The following MAVS variants were observed in gnomAD, a reference collection of about 807,000 sequenced individuals.
MAVS encodes mitochondrial antiviral signaling protein.
Under a neutral mutation model 30.2 loss-of-function variants are expected in MAVS, and 20 were observed. The ratio of observed to expected loss-of-function variants is 0.66; its 90% CI spans 0.47 to 0.96. The LOEUF (loss-of-function observed/expected upper bound fraction) is 0.96, where lower values mean the gene tolerates loss of function less well. Among genes scored for constraint, MAVS ranks in the 40% least tolerant of loss-of-function variants. The pLI is 0.00. For synonymous variants in MAVS, 278 were observed against 293.9 expected (o/e 0.95, Z 0.55); for missense variants, 624 against 701.1 (o/e 0.89, Z 1.24).
At chr20:3,849,485 G>A (rs568565543) in intron 1 of MAVS, among the ~76,000 whole-genome samples, 41 of 152,294 alleles carry the variant, frequency 2.7e-4, no homozygotes, top group Admixed American at 1.4e-3. Flanking sequence ...GATTATAGGC[G>A]TGAGTCACGC....
rs918431543 is a variant in MAVS at position 3,854,561 on chromosome 20, C to T, written c.-64C>T. The T allele has an allele frequency of 1.8e-6, 2 of 1,135,014 alleles. No homozygotes were observed. The highest frequency in any genetic ancestry group is 1.5e-5 in the African/African-American group (1 of 65,190). The allele number at this position is 1,135,014 out of a possible 1,614,324, so 70.3% of individuals were successfully genotyped here. On this transcript the variant is annotated 5_prime_UTR_variant, in exon 2 of 7. Coordinates refer to ENST00000428216, the MANE Select transcript of MAVS (RefSeq NM_020746.5). ...TGTGTGATCTGTTTTCTTCCAGTCT[C>T]GTTTCCTCTCAGTCCATCCACCCTT...
chr20:3,874,699 G>A lies in MAVS; in HGVS notation c.*8552G>A, dbSNP rs2089978739. ...AGCCACTAAGTTCAGACTGTTCTGG[G>A]TCCGATTGCTGCTGAGGCTGTGGTT... On this transcript the variant is annotated 3_prime_UTR_variant, in exon 7 of 7. Transcript: ENST00000428216. 6.5e-6 allele frequency: 1 copy of A among 154,050 alleles called. No individual in the cohort carries two copies. Among genetic ancestry groups the A allele is most frequent in the African/African-American group, 2.4e-5 (1 of 41,496 alleles). The allele number at this position is 154,050 out of a possible 1,614,324, so 9.5% of individuals were successfully genotyped here. A position where few individuals can be genotyped will look rare whatever the true frequency, so the allele number is the denominator to read the frequency against.
chr20:3,857,903 T>C, intron 3 of MAVS, 94 bp downstream of exon 3: 1 of 1,356,968 alleles, frequency 7.4e-7, no homozygotes, highest in Non-Finnish European at 1.0e-6. Flanking sequence ...CCTTTCTCTG[T>C]CATCCTCTTT....
chr20:3,849,895 A>G (rs547690815), intron 1 of MAVS, among the ~76,000 whole-genome samples: 7 of 152,210 alleles, frequency 4.6e-5, no homozygotes, highest in African/African-American at 1.4e-4. Context: ...GGCGGCAGAA[A>G]AGTAACGAGC....
intron 1 of MAVS, among the ~76,000 whole-genome samples, chr20:3,851,734 TC>T (rs2089761694): frequency 6.6e-6 from 1 of 151,906 alleles, no homozygotes; most frequent in Non-Finnish European, 1.5e-5. Flanking sequence ...GGCAGGCAGA[TC>T]ATCTGAGGTC....
At chr20:3,854,764 C>CGT (rs1568533276) in intron 2 of MAVS, 23 bp downstream of exon 2, 8 of 1,532,420 alleles carry the variant, frequency 5.2e-6, no homozygotes, top group African/African-American at 1.4e-5. Context: ...AGTGACAGCC[C>CGT]GACACTGGCC....
At chr20:3,854,410 G>A (rs573289486) in intron 1 of MAVS, 148 bp from the exon 2 acceptor site, 10 of 264,306 alleles carry the variant, frequency 3.8e-5, no homozygotes, top group Non-Finnish European at 5.7e-5. Context: ...GGGTGACAAA[G>A]TGAGACTCGC....
chr20:3,866,239 T>G lies in MAVS; in HGVS notation c.*92T>G, dbSNP rs2146778343. 7.9e-7 allele frequency: 1 copy of G among 1,266,776 alleles called. No homozygotes were observed. The highest frequency in any genetic ancestry group is 1.1e-6 in the Non-Finnish European group (1 of 939,244). 78.5% of individuals were successfully genotyped at this position (1,266,776 alleles called of 1,614,324 possible). On this transcript the variant is annotated 3_prime_UTR_variant, in exon 7 of 7. Coordinates refer to ENST00000428216, the MANE Select transcript of MAVS (RefSeq NM_020746.5). ...AGCCCCTTGTCCCTTTCTTGGGGAT[T>G]GTGGAGGCTGGGTCAGAGGGGAGTT...
At chr20:3,857,892 G>T (rs1211366287) in intron 3 of MAVS, 83 bp downstream of exon 3, 1 of 1,432,134 alleles carries the variant, frequency 7.0e-7, no homozygotes, top group East Asian at 2.3e-5. Context: ...TGTACTTCCT[G>T]CCTTTCTCTG....
At chr20:3,850,706 G>A (rs1463495642) in intron 1 of MAVS, among the ~76,000 whole-genome samples, 3 of 151,270 alleles carry the variant, frequency 2.0e-5, no homozygotes, top group African/African-American at 4.9e-5. Flanking sequence ...CTAACACGGT[G>A]AAACCCTATC....
At position 3,867,036 on chromosome 20, in the gene MAVS, CA is replaced by C. The variant is rs918730065; in HGVS notation, c.*890del. The C allele has an allele frequency of 1.1e-5, 5 of 456,632 alleles. No homozygotes were observed. The highest frequency in any genetic ancestry group is 6.0e-5 in the African/African-American group (3 of 50,092). 28.3% of individuals were successfully genotyped at this position (456,632 alleles called of 1,614,324 possible). A position where few individuals can be genotyped will look rare whatever the true frequency, so the allele number is the denominator to read the frequency against. On this transcript the variant is annotated 3_prime_UTR_variant, in exon 7 of 7. Coordinates refer to ENST00000428216, the MANE Select transcript of MAVS (RefSeq NM_020746.5). ...CTGGGTTCTTCTGAGATTGAACCTACAGGTGTTTGCCAAGTGCCTGGCCCAG... is the reference window on the plus strand; with the variant it reads ...CTGGGTTCTTCTGAGATTGAACCTACGGTGTTTGCCAAGTGCCTGGCCCAG...
Position 3,863,035 on chromosome 20 carries a change from G to A in MAVS, c.625+622G>A, listed in dbSNP as rs956475633. Among the ~76,000 whole-genome samples, 11 of 152,192 alleles carry A rather than the reference G, an allele frequency of 7.2e-5. No individual in the cohort carries two copies. In the East Asian group the frequency reaches 2.1e-3, roughly 29 times the overall value. On this transcript the variant is annotated intron_variant, in intron 5 of 6. Coordinates refer to ENST00000428216, the MANE Select transcript of MAVS (RefSeq NM_020746.5). ...ATAAGTAGGGCCATTTTTGCGCTCT[G>A]CCAAAGGGACTGTAGGGAACAGCCA...
At chr20:3,848,464 C>G (rs867981636) in intron 1 of MAVS, among the ~76,000 whole-genome samples, 6 of 152,300 alleles carry the variant, frequency 3.9e-5, no homozygotes, top group Middle Eastern at 3.4e-3. Flanking sequence ...TCAGAGGACC[C>G]CCGCCTCACC....
rs1301372812 is a variant in MAVS at position 3,870,485 on chromosome 20, G to A, written c.*4338G>A. The A allele has an allele frequency of 6.6e-6, 1 of 152,012 alleles. No individual in the cohort carries two copies. Among genetic ancestry groups the A allele is most frequent in the Non-Finnish European group, 1.5e-5 (1 of 68,020 alleles). 9.4% of individuals were successfully genotyped at this position (152,012 alleles called of 1,614,324 possible). A position where few individuals can be genotyped will look rare whatever the true frequency, so the allele number is the denominator to read the frequency against. On this transcript the variant is annotated 3_prime_UTR_variant, in exon 7 of 7. Transcript: ENST00000428216. ...CTTAATTCCTTGCTAGGTGTTCTCA[G>A]ATTTATGAGACTTCTTAGTCAAATA...
At chr20:3,861,533 C>T (rs750240439) in intron 4 of MAVS, 29 bp downstream of exon 4, 7 of 1,602,938 alleles carry the variant, frequency 4.4e-6, no homozygotes. Flanking sequence ...CCTTGAGCCA[C>T]CACTTTTGTG....
At chr20:3,856,329 C>G (rs2089809990) in intron 2 of MAVS, among the ~76,000 whole-genome samples, 1 of 149,260 alleles carries the variant, frequency 6.7e-6, no homozygotes, top group African/African-American at 2.5e-5. Flanking sequence ...GCTGGGATTA[C>G]AGGCGTGAGC....
rs543770789 is a variant in MAVS, at chr20:3,863,288, C to T, written c.625+875C>T. 6.6e-4 allele frequency among the ~76,000 whole-genome samples: 101 copies of T among 152,314 alleles called. No homozygotes were observed. In the South Asian group the frequency reaches 9.1e-3, roughly 14 times the overall value. ...AGTTGTCCATCTGGACCTCTCAGGC[C>T]AGCATGTCTCTTTCCTACTTCCCAA... On this transcript the variant is annotated intron_variant, in intron 5 of 6. Coordinates refer to ENST00000428216, the MANE Select transcript of MAVS (RefSeq NM_020746.5).
intron 1 of MAVS, 36 bp from the exon 2 acceptor site, chr20:3,854,522 C>T: frequency 1.4e-6 from 1 of 712,496 alleles, no homozygotes; most frequent in Non-Finnish European, 2.3e-6. Context: ...CCCAACCCCC[C>T]AACCCTGTTG....
chr20:3,858,528 A>C (rs2089833079), intron 3 of MAVS, among the ~76,000 whole-genome samples: 2 of 151,626 alleles, frequency 1.3e-5, no homozygotes, highest in Admixed American at 6.6e-5. Flanking sequence ...AAATACAGAA[A>C]ATTAGCCGGG....
Sources: gnomAD v4.1 joint callset for allele counts (sites outside exome capture counted in the v4.1 genomes callset) on GRCh38, gnomAD v4.1.1 for gene constraint, MANE v1.5 for transcripts, NCBI Gene and HGNC (gene_info 2026-07-23, HGNC 2026-07-21) for gene names.